ZNRF1: variants seen among roughly 807,000 people sequenced by gnomAD.
ZNRF1 encodes E3 ubiquitin-protein ligase ZNRF1.
Under a neutral mutation model 18.4 loss-of-function variants are expected in ZNRF1, and 3 were observed. That is an observed-to-expected ratio of 0.16 (90% CI 0.07 to 0.42). The LOEUF (loss-of-function observed/expected upper bound fraction) is 0.42. Among genes scored for constraint, ZNRF1 ranks in the 10% least tolerant of loss-of-function variants. The pLI, the probability that ZNRF1 is intolerant of heterozygous loss-of-function variation, is 0.99. For synonymous variants in ZNRF1, 157 were observed against 144.2 expected (o/e 1.09, Z -0.64); for missense variants, 310 against 329.8 (o/e 0.94, Z 0.47).
intron 1 of ZNRF1, among the ~76,000 whole-genome samples, chr16:75,077,803 A>G (rs929730590): frequency 1.3e-5 from 2 of 152,162 alleles, no homozygotes; most frequent in African/African-American, 4.8e-5. Context: ...TCCTTGGCTC[A>G]TGGTCCCTTC....
At chr16:75,046,577 TA>T (rs1377192477) in intron 1 of ZNRF1, among the ~76,000 whole-genome samples, 3 of 152,026 alleles carry the variant, frequency 2.0e-5, no homozygotes, top group Non-Finnish European at 4.4e-5. Context: ...ATTTTTTATT[TA>T]TTTTTTTATT....
At chr16:75,017,498 C>T (rs1434223823) in intron 1 of ZNRF1, among the ~76,000 whole-genome samples, 2 of 152,182 alleles carry the variant, frequency 1.3e-5, no homozygotes, top group Non-Finnish European at 2.9e-5. Context: ...AAATCATTGA[C>T]ATCCATTATG....
intron 1 of ZNRF1, among the ~76,000 whole-genome samples, chr16:75,048,864 T>C (rs1013655723): frequency 4.6e-5 from 7 of 152,214 alleles, no homozygotes; most frequent in Non-Finnish European, 8.8e-5. Flanking sequence ...TTAAAACCTG[T>C]GGATAATCCT....
At chr16:75,078,505 G>T (rs968424641) in intron 1 of ZNRF1, among the ~76,000 whole-genome samples, 1 of 152,026 alleles carries the variant, frequency 6.6e-6, no homozygotes, top group Non-Finnish European at 1.5e-5. Flanking sequence ...CACCACGTTG[G>T]TCAGGCTGGT....
intron 1 of ZNRF1, among the ~76,000 whole-genome samples, chr16:75,035,632 T>C (rs2035367514): frequency 6.6e-6 from 1 of 152,184 alleles, no homozygotes; most frequent in South Asian, 2.1e-4. Flanking sequence ...AGTGGGCAAC[T>C]TGAGAGATCA....
At chr16:75,047,427 C>T (rs1036636083) in intron 1 of ZNRF1, among the ~76,000 whole-genome samples, 8 of 152,334 alleles carry the variant, frequency 5.3e-5, no homozygotes, top group East Asian at 3.9e-4. Context: ...CCCAGAGAGT[C>T]GGGATTACAA....
chr16:75,050,161 C>T (rs1291931518), intron 1 of ZNRF1, among the ~76,000 whole-genome samples: 1 of 152,110 alleles, frequency 6.6e-6, no homozygotes. Flanking sequence ...TAGTCTATTC[C>T]TTTTTATTGC....
intron 2 of ZNRF1, chr16:75,095,761 C>A: frequency 6.6e-7 from 1 of 1,509,104 alleles, no homozygotes; most frequent in Non-Finnish European, 8.9e-7. Flanking sequence ...GTGAGGCTGT[C>A]CAGCTCCTCT....
At chr16:75,097,185 T>TA (rs1450260376) in intron 2 of ZNRF1, among the ~76,000 whole-genome samples, 3 of 152,186 alleles carry the variant, frequency 2.0e-5, no homozygotes, top group Non-Finnish European at 2.9e-5. Context: ...CCCTAAAGAA[T>TA]ACGCATTCAA....
At chr16:75,059,727 C>G (rs1319594562) in intron 1 of ZNRF1, among the ~76,000 whole-genome samples, 1 of 152,128 alleles carries the variant, frequency 6.6e-6, no homozygotes. Context: ...GAAGTTTTTA[C>G]TCTACCTGTA....
At chr16:75,042,438 T>G (rs944955466) in intron 1 of ZNRF1, among the ~76,000 whole-genome samples, 10 of 114,338 alleles carry the variant, frequency 8.7e-5, no homozygotes, top group Non-Finnish European at 1.6e-4. Context: ...AGTGTCTGTT[T>G]CTTTCTTTTT....
intron 1 of ZNRF1, among the ~76,000 whole-genome samples, chr16:75,069,363 C>T (rs2035842098): frequency 6.6e-6 from 1 of 152,162 alleles, no homozygotes; most frequent in South Asian, 2.1e-4. Flanking sequence ...TAAATGGTTT[C>T]CCCTCAGGCT....
At chr16:75,019,922 G>T (rs529279940) in intron 1 of ZNRF1, among the ~76,000 whole-genome samples, 6 of 152,090 alleles carry the variant, frequency 3.9e-5, no homozygotes, top group Admixed American at 3.3e-4. Flanking sequence ...ATGGGGGTTC[G>T]CCATGTTGCC....
At chr16:75,103,324 A>G (rs574824996) in intron 2 of ZNRF1, among the ~76,000 whole-genome samples, 149 of 152,244 alleles carry the variant, frequency 9.8e-4, no homozygotes, top group African/African-American at 3.5e-3. Flanking sequence ...ACTCACCATA[A>G]AATTAACCAT....
intron 1 of ZNRF1, among the ~76,000 whole-genome samples, chr16:75,079,155 G>A (rs2035979904): frequency 6.6e-6 from 1 of 152,110 alleles, no homozygotes; most frequent in Admixed American, 6.6e-5. Flanking sequence ...GGTCCTTCTC[G>A]TTCGTGCTTT....
chr16:75,046,333 C>T (rs917400176), intron 1 of ZNRF1, among the ~76,000 whole-genome samples: 1 of 150,176 alleles, frequency 6.7e-6, no homozygotes, highest in African/African-American at 2.5e-5. Flanking sequence ...CTCACTGTAA[C>T]CTCTGCCTCC....
intron 1 of ZNRF1, among the ~76,000 whole-genome samples, chr16:75,017,851 A>C (rs898430975): frequency 9.2e-5 from 14 of 152,166 alleles, no homozygotes; most frequent in Admixed American, 3.9e-4. Flanking sequence ...GCTGAGCCAG[A>C]GATGCCTTTA....
rs544470085 is a variant in ZNRF1, at chr16:75,001,269, C to CT, written c.424+1177dup. On this transcript the variant is annotated intron_variant, in intron 1 of 4. Transcript: ENST00000335325. The stretch of plus-strand genomic sequence containing the variant: ...AATAGGGTTGACTTTTGGGGTATCT[C>CT]TTTCCCCCCCCCTGCAAATAGCCTG... Among the ~76,000 whole-genome samples, 403 of 151,982 alleles carry CT rather than the reference C, an allele frequency of 2.7e-3. 3 individuals are homozygous for CT. Among genetic ancestry groups the CT allele is most frequent in the African/African-American group, 7.3e-3 (302 of 41,412 alleles).
intron 1 of ZNRF1, among the ~76,000 whole-genome samples, chr16:75,033,182 CT>C (rs1427046730): frequency 2.1e-5 from 3 of 139,984 alleles, no homozygotes; most frequent in African/African-American, 8.0e-5. Flanking sequence ...TTTCTTTATT[CT>C]TTTTTTAAAT....
Sources: allele counts gnomAD v4.1 joint callset (sites outside exome capture counted in the v4.1 genomes callset), GRCh38; gene constraint gnomAD v4.1.1; transcripts MANE v1.5; gene names NCBI Gene and HGNC (gene_info 2026-07-23, HGNC 2026-07-21).